Variants in ST6GAL1 observed in about 807,000 individuals in gnomAD.
ST6GAL1 encodes the protein beta-galactoside alpha-2,6-sialyltransferase 1.
In ST6GAL1, 20 loss-of-function variants were observed where a neutral mutation model predicts 38.0. That is an observed-to-expected ratio of 0.53 (90% CI 0.37 to 0.77). The LOEUF is 0.77. Ranked by LOEUF, ST6GAL1 falls within the 30% of genes least tolerant of loss-of-function variation. ST6GAL1 has a pLI of 0.00. For synonymous variants in ST6GAL1, 196 were observed against 188.2 expected (o/e 1.04, Z -0.34); for missense variants, 432 against 496.4 (o/e 0.87, Z 1.23).
intron 5 of ST6GAL1, 27 bp downstream of exon 5, chr3:187,051,373 A>T: frequency 1.2e-6 from 2 of 1,603,346 alleles, no homozygotes; most frequent in Non-Finnish European, 1.7e-6. Flanking sequence ...GCAGCTATGG[A>T]GTAAGAGAAG....
rs1719532134 is a variant in ST6GAL1 at position 187,075,594 on chromosome 3, G to A, written c.1012G>A (p.Val338Met). 1 of 1,614,202 alleles carries A rather than the reference G, an allele frequency of 6.2e-7. No individual in the cohort carries two copies. Among genetic ancestry groups the A allele is most frequent in the South Asian group, 1.1e-5 (1 of 91,076 alleles). ...IIIMMTLCDQ[V>M]DIYEFLPSKR... is the part of the protein sequence containing the mutation. ...CATCATGATGACGCTGTGTGACCAG[G>A]TGGATATTTATGAGTTCCTCCCATC... is the stretch of plus-strand genomic sequence containing the variant. The change falls in exon 8 of 8, where the codon GTG becomes ATG. Residue 338 changes from valine to methionine, a missense_variant. Physicochemically the swap from Val to Met is conservative, Grantham distance 21. Transcript: ENST00000169298. The surrounding 1 kb of genome is among the most constrained non-coding windows in gnomAD (Gnocchi z 4.1).
intron 2 of ST6GAL1, among the ~76,000 whole-genome samples, chr3:187,011,337 A>C (rs1254452431): frequency 2.0e-5 from 3 of 152,250 alleles, no homozygotes; most frequent in Non-Finnish European, 4.4e-5. Flanking sequence ...CTTCACTTTG[A>C]AGATGAGAGG....
At chr3:187,061,160 A>T (rs987317882) in intron 5 of ST6GAL1, among the ~76,000 whole-genome samples, 4 of 152,220 alleles carry the variant, frequency 2.6e-5, no homozygotes, top group African/African-American at 9.6e-5. Context: ...CTTAGGAATG[A>T]ATTTAACCAA....
At chr3:187,064,606 C>T (rs1286061297) in intron 5 of ST6GAL1, 1 of 456,746 alleles carries the variant, frequency 2.2e-6, no homozygotes, top group Non-Finnish European at 4.4e-6. Context: ...GCCTTTCCTG[C>T]TGCTTCTTAG....
At chr3:187,069,473 C>A (rs992532316) in intron 5 of ST6GAL1, among the ~76,000 whole-genome samples, 9 of 152,178 alleles carry the variant, frequency 5.9e-5, no homozygotes, top group Non-Finnish European at 7.4e-5. Flanking sequence ...CAGGAAATGG[C>A]CTGAGGTCCA....
chr3:186,999,802 G>A (rs1716554235), intron 2 of ST6GAL1, among the ~76,000 whole-genome samples: 1 of 151,992 alleles, frequency 6.6e-6, no homozygotes, highest in Non-Finnish European at 1.5e-5. Flanking sequence ...TGTTTTTCTT[G>A]TTTTACTCAC....
In ST6GAL1 at chr3:187,051,286, C is replaced by A. The variant is rs1388794005; in HGVS notation, c.645C>A (p.Pro215=). Residue 215 remains proline, a synonymous_variant, in exon 5 of 8, where the codon CCC becomes CCA. Coordinates refer to ENST00000169298, the MANE Select transcript of ST6GAL1 (RefSeq NM_173216.2). ...HDAVLRFNGA[P]TANFQQDVGT... is the part of the protein sequence containing the mutation. The stretch of plus-strand genomic sequence containing the variant: ...CAGTCCTGAGGTTTAATGGGGCACC[C>A]ACAGCCAACTTCCAACAAGATGTGG... 2 of 1,614,136 alleles carry A rather than the reference C, an allele frequency of 1.2e-6. No individual in the cohort carries two copies. Among genetic ancestry groups the A allele is most frequent in the Non-Finnish European group, 1.7e-6 (2 of 1,180,006 alleles).
rs1715614899 is a variant in ST6GAL1, at chr3:186,979,241, G to A, written c.-183+15315G>A. On this transcript the variant is annotated intron_variant, in intron 2 of 7. Coordinates refer to ENST00000169298, the MANE Select transcript of ST6GAL1 (RefSeq NM_173216.2). Reference sequence around the variant, plus strand: ...GTTAGGTTGGGGGAATTCAGAGAAAGGAGAGGTGATACCCTGAGGCCTAGC... The same window carrying A: ...GTTAGGTTGGGGGAATTCAGAGAAAAGAGAGGTGATACCCTGAGGCCTAGC... Among the ~76,000 whole-genome samples the A allele has an allele frequency of 3.3e-5, 5 of 152,158 alleles. No individual in the cohort carries two copies. The South Asian group carries it at 1.0e-3, about 32-fold the overall frequency.
rs189426481 is a variant in ST6GAL1, at chr3:186,987,230, G to A, written c.-183+23304G>A. Among the ~76,000 whole-genome samples, 291 of 151,508 alleles carry A rather than the reference G, an allele frequency of 1.9e-3. 1 individual carries two copies. Among genetic ancestry groups the A allele is most frequent in the Middle Eastern group, 6.8e-3 (2 of 294 alleles). ...AAAGAAAAGGAAAGAAAGCAAGGAA[G>A]GAAGGAAGAAAGGAAAGAAAGGAAG... On this transcript the variant is annotated intron_variant, in intron 2 of 7. Coordinates refer to ENST00000169298, the MANE Select transcript of ST6GAL1 (RefSeq NM_173216.2).
intron 2 of ST6GAL1, among the ~76,000 whole-genome samples, chr3:187,026,350 T>C (rs539506743): frequency 1.3e-5 from 2 of 152,324 alleles, no homozygotes; most frequent in East Asian, 3.9e-4. Flanking sequence ...CACATGGTGA[T>C]AACAGTGCTC....
rs577795014 is a variant in ST6GAL1, at chr3:186,976,308, A to G, written c.-183+12382A>G. On this transcript the variant is annotated intron_variant, in intron 2 of 7. Transcript: ENST00000169298. ...ATTGGAAACAGAGAGTTGATAGTTG[A>G]GGTCTGATTTATAGCTGAGGATTGA... Among the ~76,000 whole-genome samples the G allele has an allele frequency of 3.3e-5, 5 of 152,258 alleles. No individual in the cohort carries two copies. In the South Asian group the frequency reaches 1.0e-3, roughly 32 times the overall value.
chr3:186,936,044 C>T (rs1017679347), intron 1 of ST6GAL1, among the ~76,000 whole-genome samples: 3 of 152,094 alleles, frequency 2.0e-5, no homozygotes, highest in Non-Finnish European at 4.4e-5. Context: ...GGAGACCCAC[C>T]CATTCTTTGT....
intron 2 of ST6GAL1, among the ~76,000 whole-genome samples, chr3:187,026,750 T>A (rs775945156): frequency 6.6e-6 from 1 of 151,902 alleles, no homozygotes; most frequent in African/African-American, 2.4e-5. Flanking sequence ...TTACGTAAAA[T>A]ACAATAAAAA....
At chr3:186,957,063 A>G (rs1345713553) in intron 1 of ST6GAL1, among the ~76,000 whole-genome samples, 1 of 152,254 alleles carries the variant, frequency 6.6e-6, no homozygotes, top group Non-Finnish European at 1.5e-5. Flanking sequence ...TTTGGAAATT[A>G]AAAGTGTGAT....
chr3:187,061,846 C>T (rs1286189466), intron 5 of ST6GAL1, among the ~76,000 whole-genome samples: 2 of 151,860 alleles, frequency 1.3e-5, no homozygotes, highest in African/African-American at 2.4e-5. Flanking sequence ...GGCATACATA[C>T]GTAACAAAGG....
intron 1 of ST6GAL1, among the ~76,000 whole-genome samples, chr3:186,939,612 A>G (rs756623302): frequency 5.3e-5 from 8 of 152,220 alleles, no homozygotes; most frequent in Admixed American, 3.3e-4. Context: ...GTGGCTCAAT[A>G]TGAGTTGGAC....
At chr3:186,987,456 C>G (rs761276447) in intron 2 of ST6GAL1, among the ~76,000 whole-genome samples, 1 of 152,124 alleles carries the variant, frequency 6.6e-6, no homozygotes, top group Non-Finnish European at 1.5e-5. Flanking sequence ...TTGAAGCCCA[C>G]GGCCCACAAG....
rs186766687 is a variant in ST6GAL1, at chr3:186,976,868, C to A, written c.-183+12942C>A. Among the ~76,000 whole-genome samples, 199 of 152,312 alleles carry A rather than the reference C, an allele frequency of 1.3e-3. 1 individual carries two copies. The highest frequency in any genetic ancestry group is 4.4e-3 in the African/African-American group (184 of 41,576). On this transcript the variant is annotated intron_variant, in intron 2 of 7. Transcript: ENST00000169298. ...GTGCTGCTGGTTTATATTCTCTCCC[C>A]ACGCATGTATTTCTTCAGTCACTCA...
At chr3:186,970,345 G>A (rs1715306856) in intron 2 of ST6GAL1, among the ~76,000 whole-genome samples, 1 of 150,754 alleles carries the variant, frequency 6.6e-6, no homozygotes, top group Non-Finnish European at 1.5e-5. Context: ...CTCCCAAGTA[G>A]CTGGGTTTAC....
Sources: gnomAD v4.1 joint callset for allele counts (sites outside exome capture counted in the v4.1 genomes callset) on GRCh38, gnomAD v4.1.1 for gene constraint, Gnocchi (gnomAD v3.1) non-coding constraint, MANE v1.5 for transcripts, NCBI Gene and HGNC (gene_info 2026-07-23, HGNC 2026-07-21) for gene names.